Variants in CRB1 observed in about 807,000 individuals in gnomAD.
CRB1 encodes protein crumbs homolog 1.
Under a neutral mutation model 120.0 loss-of-function variants are expected in CRB1, and 83 were observed. The observed-to-expected ratio is 0.69, with a 90% CI of 0.58 to 0.83. The LOEUF is 0.83. Among genes scored for constraint, CRB1 ranks in the 40% least tolerant of loss-of-function variants. The pLI is 0.00. For synonymous variants in CRB1, 625 were observed against 612.5 expected (o/e 1.02, Z -0.30); for missense variants, 1,699 against 1,687.6 (o/e 1.01, Z -0.12).
At chr1:197,388,457 C>T (rs965365120) in intron 5 of CRB1, among the ~76,000 whole-genome samples, 1 of 152,066 alleles carries the variant, frequency 6.6e-6, no homozygotes, top group Non-Finnish European at 1.5e-5. Flanking sequence ...GTTTTTCTCT[C>T]TTCCCTATTC....
Position 197,372,094 on chromosome 1 carries a change from A to C in CRB1, c.1171+15081A>C, listed in dbSNP as rs1221793200. Among the ~76,000 whole-genome samples, 5 of 152,124 alleles carry C rather than the reference A, an allele frequency of 3.3e-5. No individual in the cohort carries two copies. In the East Asian group the frequency reaches 9.6e-4, roughly 29 times the overall value. On this transcript the variant is annotated intron_variant, in intron 5 of 11. Transcript: ENST00000367400. ...AATGTGACTGACAGAGACTGGGATT[A>C]AATCTGTTCAATTTGCCTCATGCAG...
intron 5 of CRB1, among the ~76,000 whole-genome samples, chr1:197,363,245 A>T (rs1202206917): frequency 6.6e-6 from 1 of 152,060 alleles, no homozygotes; most frequent in Non-Finnish European, 1.5e-5. Flanking sequence ...CATGAAAAGA[A>T]GGATACTCCA....
intron 11 of CRB1, among the ~76,000 whole-genome samples, chr1:197,457,578 C>T (rs895707351): frequency 1.3e-5 from 2 of 152,118 alleles, no homozygotes; most frequent in African/African-American, 4.8e-5. Flanking sequence ...GGCAATCATT[C>T]CTGGCAGAGT....
chr1:197,475,841 G>A (rs770230738), intron 11 of CRB1, among the ~76,000 whole-genome samples: 9 of 151,322 alleles, frequency 5.9e-5, no homozygotes, highest in Non-Finnish European at 1.0e-4. Flanking sequence ...ATACACATTC[G>A]GTCACACTGG....
At chr1:197,352,754 G>A (rs1660179618) in intron 4 of CRB1, among the ~76,000 whole-genome samples, 2 of 150,452 alleles carry the variant, frequency 1.3e-5, no homozygotes, top group African/African-American at 2.5e-5. Flanking sequence ...AGGCCCCAAG[G>A]GTCTTTTTGT....
chr1:197,433,670 G>A (rs1359752001), intron 8 of CRB1, among the ~76,000 whole-genome samples: 1 of 152,042 alleles, frequency 6.6e-6, no homozygotes, highest in Non-Finnish European at 1.5e-5. Context: ...TAAGATTAAA[G>A]CAATTACACA....
the CRB1 span, chr1:197,223,095 C>A: frequency 1.2e-6 from 1 of 802,680 alleles, no homozygotes; most frequent in Non-Finnish European, 2.3e-6. Flanking sequence ...TATAACCTTG[C>A]GTATAATTTT....
chr1:197,202,971 G>A, the CRB1 span, among the ~76,000 whole-genome samples: 1 of 148,376 alleles, frequency 6.7e-6, no homozygotes, highest in Non-Finnish European at 1.5e-5. Context: ...TGGTGTGTGT[G>A]TGTGTGTGTG....
intron 1 of CRB1, among the ~76,000 whole-genome samples, chr1:197,323,432 CTT>C (rs1658316639): frequency 6.6e-6 from 1 of 152,108 alleles, no homozygotes; most frequent in African/African-American, 2.4e-5. Flanking sequence ...GTTCAGAACA[CTT>C]TTAGCTTTAC....
intron 1 of CRB1, among the ~76,000 whole-genome samples, chr1:197,279,221 G>C (rs1249005302): frequency 6.6e-6 from 1 of 151,732 alleles, no homozygotes; most frequent in Non-Finnish European, 1.5e-5. Flanking sequence ...ACCTATACCA[G>C]AGGTTGGGTA....
chr1:197,420,860 A>C, intron 5 of CRB1, 140 bp from the exon 6 acceptor site: 1 of 670,478 alleles, frequency 1.5e-6, no homozygotes, highest in South Asian at 1.7e-5. Flanking sequence ...TTTCCTTATT[A>C]AGTGTTTACA....
the CRB1 span, among the ~76,000 whole-genome samples, chr1:197,225,150 T>C: frequency 2.6e-5 from 4 of 152,106 alleles, no homozygotes; most frequent in Admixed American, 1.3e-4. Flanking sequence ...TCCAAGTCCA[T>C]ACAATTAATA....
At position 197,442,674 on chromosome 1, in the gene CRB1, C is replaced by T. The variant is rs534696598; in HGVS notation, c.4005+382C>T. The T allele has an allele frequency of 2.2e-4, 134 of 612,024 alleles. No homozygotes were observed. The African/African-American group carries it at 2.4e-3, about 11-fold the overall frequency. The allele number at this position is 612,024 out of a possible 1,614,324, so 37.9% of individuals were successfully genotyped here. A position where few individuals can be genotyped will look rare whatever the true frequency, so the allele number is the denominator to read the frequency against. On this transcript the variant is annotated intron_variant, in intron 11 of 11. Transcript: ENST00000367400. ...CCTTATTGTGTGTATTTAGTACAAA[C>T]ATATTATCATTCTCAACACTTCTAT... is the stretch of plus-strand genomic sequence containing the variant.
Position 197,477,897 on chromosome 1 carries a change from G to C in CRB1, c.*18G>C, listed in dbSNP as rs530245652. On this transcript the variant is annotated 3_prime_UTR_variant, in exon 12 of 12. Coordinates refer to ENST00000367400, the MANE Select transcript of CRB1 (RefSeq NM_201253.3). Reference sequence around the variant, plus strand: ...TGATTTAGGAGCATTGTGTCCCTTCGAGATGGGGATCCACACACTGTGAAT... The same window carrying C: ...TGATTTAGGAGCATTGTGTCCCTTCCAGATGGGGATCCACACACTGTGAAT... The C allele has an allele frequency of 1.2e-6, 2 of 1,609,610 alleles. No individual in the cohort carries two copies. The highest frequency in any genetic ancestry group is 1.7e-5 in the Admixed American group (1 of 59,914).
the CRB1 span, among the ~76,000 whole-genome samples, chr1:197,210,255 C>A: frequency 3.3e-5 from 5 of 152,142 alleles, no homozygotes; most frequent in Non-Finnish European, 7.4e-5. Flanking sequence ...TGGTCAAACA[C>A]CCTGAGGATG....
At chr1:197,458,802 A>C (rs967515649) in intron 11 of CRB1, among the ~76,000 whole-genome samples, 2 of 152,162 alleles carry the variant, frequency 1.3e-5, no homozygotes, top group African/African-American at 2.4e-5. Context: ...TTTCAAGGAA[A>C]CTATAATCTA....
At chr1:197,337,824 T>C (rs1395988621) in intron 2 of CRB1, among the ~76,000 whole-genome samples, 2 of 152,122 alleles carry the variant, frequency 1.3e-5, no homozygotes, top group Non-Finnish European at 2.9e-5. Context: ...AATATTTTAA[T>C]ATGTGTAGGC....
the CRB1 span, among the ~76,000 whole-genome samples, chr1:197,226,385 G>A: frequency 6.6e-6 from 1 of 152,292 alleles, no homozygotes; most frequent in Admixed American, 6.5e-5. Flanking sequence ...GTAGTAACTT[G>A]TGTAGTAGTG....
chr1:197,346,186 A>T (rs968590512), intron 3 of CRB1, among the ~76,000 whole-genome samples: 1 of 152,146 alleles, frequency 6.6e-6, no homozygotes, highest in African/African-American at 2.4e-5. Context: ...CTTATTGCCT[A>T]AATGTTGAGA....
Sources: gnomAD v4.1 joint callset for allele counts (sites outside exome capture counted in the v4.1 genomes callset) on GRCh38, gnomAD v4.1.1 for gene constraint, MANE v1.5 for transcripts, NCBI Gene and HGNC (gene_info 2026-07-23, HGNC 2026-07-21) for gene names.